ATP2C2: variants seen among roughly 807,000 people sequenced by gnomAD.
ATP2C2 encodes ATPase secretory pathway Ca2+ transporting 2.
Under a neutral mutation model 110.8 loss-of-function variants are expected in ATP2C2, and 171 were observed. The ratio of observed to expected loss-of-function variants is 1.54; its 90% CI spans 1.36 to 1.75. ATP2C2 has a LOEUF of 1.75. Ranked by LOEUF, ATP2C2 falls within the 40% of genes most tolerant of loss-of-function variation. The probability of loss-of-function intolerance (pLI) is 0.00; values close to 1 mark genes in which losing one functional copy is unlikely to be tolerated. For synonymous variants in ATP2C2, 804 were observed against 508.4 expected (o/e 1.58, Z -7.82); for missense variants, 1,963 against 1,235.0 (o/e 1.59, Z -8.84).
intron 1 of ATP2C2, among the ~76,000 whole-genome samples, chr16:84,375,261 G>A (rs1910183588): frequency 6.6e-6 from 1 of 152,168 alleles, no homozygotes; most frequent in Non-Finnish European, 1.5e-5. Context: ...GTCAAACACG[G>A]CCCGGCGCAG....
At chr16:84,397,023 G>T (rs1419336833) in intron 1 of ATP2C2, among the ~76,000 whole-genome samples, 1 of 151,868 alleles carries the variant, frequency 6.6e-6, no homozygotes, top group Non-Finnish European at 1.5e-5. Context: ...AAAGGAGGAA[G>T]TTACTCAATA....
intron 18 of ATP2C2, 114 bp downstream of exon 18, chr16:84,452,205 C>T: frequency 1.5e-6 from 2 of 1,293,560 alleles, no homozygotes; most frequent in South Asian, 1.4e-5. Context: ...TCACGCCTAG[C>T]CCTACAGGCT....
intron 1 of ATP2C2, among the ~76,000 whole-genome samples, chr16:84,393,725 G>A (rs766638298): frequency 1.3e-5 from 2 of 151,686 alleles, no homozygotes; most frequent in Non-Finnish European, 2.9e-5. Context: ...GGAGGCCAGT[G>A]GATGGGAGGC....
At chr16:84,394,007 AAAATAAAAAAAT>A (rs1315300469) in intron 1 of ATP2C2, among the ~76,000 whole-genome samples, 1 of 138,732 alleles carries the variant, frequency 7.2e-6, no homozygotes. Context: ...AATACCAAAA[AAAATAAAAAAAT>A]AAAAAATAAA....
At position 84,427,371 on chromosome 16, in the gene ATP2C2, G is replaced by C. The variant is rs1254453451; in HGVS notation, c.986+1570G>C. Among the ~76,000 whole-genome samples, 3 of 152,120 alleles carry C rather than the reference G, an allele frequency of 2.0e-5. No individual in the cohort carries two copies. In the East Asian group the frequency reaches 5.8e-4, roughly 29 times the overall value. On this transcript the variant is annotated intron_variant, in intron 11 of 26. Coordinates refer to ENST00000262429, the MANE Select transcript of ATP2C2 (RefSeq NM_014861.4). ...TAATGTTGAAGCCATTTTCCTAGGT[G>C]AAAGAAGCCAGTTGCACATGTTATA...
chr16:84,445,071 C>G (rs568613085), intron 15 of ATP2C2, among the ~76,000 whole-genome samples: 4 of 152,304 alleles, frequency 2.6e-5, no homozygotes, highest in African/African-American at 9.6e-5. Context: ...GGGCCAGGCT[C>G]CGTCTCCCAG....
At chr16:84,442,007 G>A (rs530472967) in intron 14 of ATP2C2, among the ~76,000 whole-genome samples, 4 of 152,260 alleles carry the variant, frequency 2.6e-5, no homozygotes, top group South Asian at 2.1e-4. Flanking sequence ...GAAGTAATGC[G>A]AGTGTCCAGG....
At chr16:84,455,725 C>T (rs570072987) in intron 21 of ATP2C2, among the ~76,000 whole-genome samples, 20 of 147,680 alleles carry the variant, frequency 1.4e-4, no homozygotes, top group East Asian at 8.2e-4. Context: ...ACAGTTGATT[C>T]GCCATAGGAA....
intron 11 of ATP2C2, among the ~76,000 whole-genome samples, chr16:84,431,931 G>A (rs772538581): frequency 6.6e-6 from 1 of 152,102 alleles, no homozygotes; most frequent in South Asian, 2.1e-4. Flanking sequence ...GCAGGACGCC[G>A]AGCTGTGCTG....
intron 3 of ATP2C2, chr16:84,406,601 C>G (rs1234421796): frequency 3.0e-6 from 3 of 985,632 alleles, no homozygotes; most frequent in African/African-American, 1.7e-5. Flanking sequence ...TCTCAGTGTT[C>G]TGGGAATGTT....
At chr16:84,398,908 G>C (rs546981972) in intron 2 of ATP2C2, among the ~76,000 whole-genome samples, 1 of 152,228 alleles carries the variant, frequency 6.6e-6, no homozygotes, top group Non-Finnish European at 1.5e-5. Context: ...GATGGAAGAT[G>C]AAGTTGAGAC....
At chr16:84,454,167 A>G (rs979607010) in intron 20 of ATP2C2, among the ~76,000 whole-genome samples, 1 of 152,162 alleles carries the variant, frequency 6.6e-6, no homozygotes, top group Admixed American at 6.5e-5. Flanking sequence ...CCTCATCTGT[A>G]AAATGGGGGA....
At chr16:84,437,884 A>G (rs577401850) in intron 11 of ATP2C2, among the ~76,000 whole-genome samples, 1 of 152,288 alleles carries the variant, frequency 6.6e-6, no homozygotes, top group South Asian at 2.1e-4. Flanking sequence ...ATTCCCACCT[A>G]TGCCCACATC....
intron 2 of ATP2C2, among the ~76,000 whole-genome samples, chr16:84,402,682 C>T (rs1025458414): frequency 6.6e-6 from 1 of 152,088 alleles, no homozygotes; most frequent in Admixed American, 6.6e-5. Flanking sequence ...TGTGTTATTG[C>T]ATTCAATTTG....
intron 7 of ATP2C2, among the ~76,000 whole-genome samples, chr16:84,420,879 C>T (rs1907271128): frequency 6.6e-6 from 1 of 152,180 alleles, no homozygotes; most frequent in East Asian, 1.9e-4. Flanking sequence ...AATCTCGGCT[C>T]ACTGCAACCT....
chr16:84,413,690 G>T (rs1906587593), intron 6 of ATP2C2, among the ~76,000 whole-genome samples: 1 of 152,152 alleles, frequency 6.6e-6, no homozygotes, highest in African/African-American at 2.4e-5. Flanking sequence ...AAGCAGCGGT[G>T]TCGGGCAGCC....
intron 1 of ATP2C2, among the ~76,000 whole-genome samples, chr16:84,377,291 C>T (rs922453435): frequency 2.6e-5 from 4 of 152,172 alleles, no homozygotes; most frequent in African/African-American, 4.8e-5. Flanking sequence ...CTGGTGGGAG[C>T]TTTCAATCCA....
intron 1 of ATP2C2, among the ~76,000 whole-genome samples, chr16:84,372,399 T>C (rs1910005690): frequency 6.6e-6 from 1 of 152,186 alleles, no homozygotes; most frequent in Non-Finnish European, 1.5e-5. Context: ...TTCAGCAACA[T>C]GTGGGCATCT....
intron 7 of ATP2C2, among the ~76,000 whole-genome samples, chr16:84,421,449 C>G (rs1907331144): frequency 1.3e-5 from 2 of 152,148 alleles, no homozygotes; most frequent in South Asian, 4.1e-4. Flanking sequence ...TCGCAGGTCC[C>G]TGTTTGAGAA....
Sources: allele counts gnomAD v4.1 joint callset (sites outside exome capture counted in the v4.1 genomes callset), GRCh38; gene constraint gnomAD v4.1.1; transcripts MANE v1.5; gene names NCBI Gene and HGNC (gene_info 2026-07-23, HGNC 2026-07-21).